Variants in SLC41A2 observed in about 807,000 individuals in gnomAD.
SLC41A2 encodes the protein SLC41A1-like 1.
A neutral mutation model predicts 58.3 loss-of-function variants in SLC41A2; 32 were observed. The observed-to-expected ratio is 0.55, with a 90% confidence interval of 0.41 to 0.74. The LOEUF (loss-of-function observed/expected upper bound fraction) is 0.74. Among genes scored for constraint, SLC41A2 ranks in the 30% least tolerant of loss-of-function variants. The probability of loss-of-function intolerance (pLI) is 0.00; values close to 1 mark genes in which losing one functional copy is unlikely to be tolerated. For synonymous variants in SLC41A2, 190 were observed against 235.0 expected (o/e 0.81, Z 1.75); for missense variants, 514 against 680.6 (o/e 0.76, Z 2.72).
chr12:104,822,199 T>G (rs2136241882), intron 10 of SLC41A2, among the ~76,000 whole-genome samples: 1 of 152,374 alleles, frequency 6.6e-6, no homozygotes, highest in Middle Eastern at 3.4e-3. Context: ...ATTGATTTTC[T>G]ACTATATGCT....
chr12:104,927,676 A>G (rs554918909), intron 2 of SLC41A2, among the ~76,000 whole-genome samples: 30 of 152,312 alleles, frequency 2.0e-4, no homozygotes, highest in African/African-American at 6.0e-4. Flanking sequence ...TAAAAGTAAG[A>G]AAGTATTTAA....
chr12:104,845,798 CA>C, intron 9 of SLC41A2, 44 bp downstream of exon 9: 1 of 1,566,584 alleles, frequency 6.4e-7, no homozygotes, highest in Non-Finnish European at 8.7e-7. Context: ...TCTTAGAGAG[CA>C]ATAGCCCTTG....
At chr12:104,900,795 T>C (rs1350690496) in intron 3 of SLC41A2, among the ~76,000 whole-genome samples, 1 of 152,252 alleles carries the variant, frequency 6.6e-6, no homozygotes, top group Non-Finnish European at 1.5e-5. Context: ...AATTGTGCCA[T>C]AGTTATTAAT....
chr12:104,827,503 A>G (rs1268823567), intron 10 of SLC41A2, among the ~76,000 whole-genome samples: 1 of 152,240 alleles, frequency 6.6e-6, no homozygotes, highest in Non-Finnish European at 1.5e-5. Flanking sequence ...ATAAGGTTTA[A>G]TTTCTTTCAC....
At chr12:104,918,922 T>C (rs2046461012) in intron 2 of SLC41A2, among the ~76,000 whole-genome samples, 1 of 152,150 alleles carries the variant, frequency 6.6e-6, no homozygotes. Context: ...AACCAAGATA[T>C]TGGCATTGAT....
chr12:104,817,266 G>A (rs1028326820), intron 10 of SLC41A2, among the ~76,000 whole-genome samples: 2 of 152,214 alleles, frequency 1.3e-5, no homozygotes, highest in Non-Finnish European at 2.9e-5. Context: ...TACCATGAAT[G>A]AAGATTGCAG....
At chr12:104,891,835 C>A (rs895115820) in intron 4 of SLC41A2, among the ~76,000 whole-genome samples, 1 of 152,018 alleles carries the variant, frequency 6.6e-6, no homozygotes, top group African/African-American at 2.4e-5. Flanking sequence ...CTGATAAATT[C>A]AGTAAAATTG....
At chr12:104,943,724 G>A (rs147501870) in intron 1 of SLC41A2, among the ~76,000 whole-genome samples, 161 of 152,306 alleles carry the variant, frequency 1.1e-3, no homozygotes, top group Non-Finnish European at 7.4e-5. Flanking sequence ...GGGACTGAGA[G>A]ACAGGACTAG....
At chr12:104,952,944 C>T (rs1410955168) in intron 1 of SLC41A2, among the ~76,000 whole-genome samples, 1 of 151,870 alleles carries the variant, frequency 6.6e-6, no homozygotes, top group East Asian at 1.9e-4. Flanking sequence ...TAGATAAGTT[C>T]TCCTTCTTCT....
At chr12:104,876,799 G>T (rs569461219) in intron 6 of SLC41A2, among the ~76,000 whole-genome samples, 1 of 152,132 alleles carries the variant, frequency 6.6e-6, no homozygotes, top group African/African-American at 2.4e-5. Flanking sequence ...GATTCATTTG[G>T]TCTAAAGTGT....
At position 104,878,299 on chromosome 12, in the gene SLC41A2, TTA is replaced by T. The variant is rs55670022; in HGVS notation, c.1027+7992_1027+7993del. On this transcript the variant is annotated intron_variant, in intron 6 of 10. Transcript: ENST00000258538. ...AATCTGCAAATAATATACCTGTATT[TTA>T]TATATATATATATATATATATATAT... 2.0e-3 allele frequency among the ~76,000 whole-genome samples: 276 copies of T among 139,894 alleles called. 5 individuals are homozygous for T. The highest frequency in any genetic ancestry group is 4.8e-3 in the African/African-American group (183 of 38,522). 91.8% of individuals were successfully genotyped at this position (139,894 alleles called of 152,430 possible).
chr12:104,820,232 A>C (rs2041572773), intron 10 of SLC41A2, among the ~76,000 whole-genome samples: 1 of 152,220 alleles, frequency 6.6e-6, no homozygotes, highest in South Asian at 2.1e-4. Flanking sequence ...TTGGGAGGCC[A>C]AGGCCAGAGA....
chr12:104,954,607 G>A (rs1352332467), intron 1 of SLC41A2, among the ~76,000 whole-genome samples: 1 of 152,142 alleles, frequency 6.6e-6, no homozygotes, highest in Admixed American at 6.5e-5. Context: ...TTTTCAATAC[G>A]TTTGATAATA....
At chr12:104,810,077 G>T (rs891560590) in intron 10 of SLC41A2, among the ~76,000 whole-genome samples, 1 of 152,106 alleles carries the variant, frequency 6.6e-6, no homozygotes, top group Non-Finnish European at 1.5e-5. Context: ...GGGCAAGGAG[G>T]GTAGGAGATG....
chr12:104,912,661 T>G (rs2046135750), intron 2 of SLC41A2, among the ~76,000 whole-genome samples: 1 of 152,142 alleles, frequency 6.6e-6, no homozygotes, highest in Non-Finnish European at 1.5e-5. Flanking sequence ...CTGAGTTCTG[T>G]GAGCAGCTTC....
intron 10 of SLC41A2, among the ~76,000 whole-genome samples, chr12:104,838,345 G>A (rs1565828639): frequency 1.3e-5 from 2 of 152,314 alleles, no homozygotes; most frequent in East Asian, 3.9e-4. Context: ...AAGTTTATTA[G>A]TTAATATACT....
chr12:104,943,310 C>T (rs547830372), intron 1 of SLC41A2, among the ~76,000 whole-genome samples: 17 of 151,934 alleles, frequency 1.1e-4, no homozygotes, highest in Admixed American at 2.0e-4. Context: ...TCAAATACAA[C>T]GTAGAGCAGA....
intron 10 of SLC41A2, among the ~76,000 whole-genome samples, chr12:104,831,992 G>T (rs2136283163): frequency 6.6e-6 from 1 of 152,288 alleles, no homozygotes; most frequent in East Asian, 1.9e-4. Flanking sequence ...CAGAATCCCT[G>T]CATGAGCCTG....
At chr12:104,914,801 C>T (rs1593131577) in intron 2 of SLC41A2, among the ~76,000 whole-genome samples, 1 of 152,354 alleles carries the variant, frequency 6.6e-6, no homozygotes, top group East Asian at 1.9e-4. Flanking sequence ...CTTGTACCAC[C>T]TCAGAAGATT....
Sources: allele counts gnomAD v4.1 joint callset (sites outside exome capture counted in the v4.1 genomes callset), GRCh38; gene constraint gnomAD v4.1.1; transcripts MANE v1.5; gene names NCBI Gene and HGNC (gene_info 2026-07-23, HGNC 2026-07-21).